CA10: variants seen among roughly 807,000 people sequenced by gnomAD.
CA10 encodes carbonic anhydrase-related protein 10.
CA10 carries 14 observed loss-of-function variants against 44.2 expected under a neutral mutation model. The observed-to-expected ratio is 0.32, with a 90% CI of 0.21 to 0.50. The LOEUF (loss-of-function observed/expected upper bound fraction) is 0.50. Among genes scored for constraint, CA10 ranks in the 20% least tolerant of loss-of-function variants. CA10 has a pLI of 0.99. For missense variants in CA10, 350 were observed against 409.7 expected, an observed-to-expected ratio of 0.85 and a Z score of 1.26; for synonymous variants, 159 against 141.6, an observed-to-expected ratio of 1.12 and a Z score of -0.87.
intron 2 of CA10, among the ~76,000 whole-genome samples, chr17:52,016,776 G>T (rs1193062429): frequency 3.9e-5 from 6 of 152,072 alleles, no homozygotes; most frequent in Non-Finnish European, 4.4e-5. Flanking sequence ...ATCCAAGTGT[G>T]GTGGCACATG....
intron 3 of CA10, among the ~76,000 whole-genome samples, chr17:51,911,113 C>T (rs1224949370): frequency 1.3e-5 from 2 of 152,120 alleles, no homozygotes; most frequent in African/African-American, 4.8e-5. Context: ...GTTCCACTTG[C>T]CCCTCCAGGC....
chr17:52,079,179 G>C (rs959330209), intron 1 of CA10, among the ~76,000 whole-genome samples: 1 of 152,150 alleles, frequency 6.6e-6, no homozygotes, highest in African/African-American at 2.4e-5. Flanking sequence ...CCAGCTACTC[G>C]GGAGGCCAAG....
At chr17:52,003,943 A>AC (rs1037070324) in intron 2 of CA10, among the ~76,000 whole-genome samples, 4 of 151,704 alleles carry the variant, frequency 2.6e-5, no homozygotes, top group Non-Finnish European at 5.9e-5. Flanking sequence ...CTAAAACAAA[A>AC]AAAAAAAAAC....
intron 3 of CA10, among the ~76,000 whole-genome samples, chr17:51,800,998 G>A (rs917686517): frequency 2.6e-5 from 4 of 152,096 alleles, no homozygotes; most frequent in African/African-American, 9.7e-5. Flanking sequence ...TGCCTGGTCT[G>A]CCTGAGAATC....
chr17:51,821,781 C>T (rs1377718378), intron 3 of CA10, among the ~76,000 whole-genome samples: 1 of 152,114 alleles, frequency 6.6e-6, no homozygotes, highest in Non-Finnish European at 1.5e-5. Flanking sequence ...TAATACCAAG[C>T]TACTTTAATA....
intron 3 of CA10, among the ~76,000 whole-genome samples, chr17:51,781,441 G>T (rs1484722071): frequency 6.6e-6 from 1 of 152,170 alleles, no homozygotes; most frequent in Non-Finnish European, 1.5e-5. Context: ...TTTCCAGCAG[G>T]TTAAATAAGG....
At chr17:51,866,680 G>A (rs573489555) in intron 3 of CA10, among the ~76,000 whole-genome samples, 3 of 152,160 alleles carry the variant, frequency 2.0e-5, no homozygotes, top group Non-Finnish European at 4.4e-5. Context: ...GGAGGTGACA[G>A]GGCTTCCTTA....
intron 3 of CA10, among the ~76,000 whole-genome samples, chr17:51,833,294 A>G (rs7215110): frequency 0.099 from 15,004 of 152,126 alleles, 2,209 homozygotes; most frequent in African/African-American, 0.32. Flanking sequence ...GGATAAACCA[A>G]TGCATCCTGT....
intron 2 of CA10, among the ~76,000 whole-genome samples, chr17:51,984,202 C>A (rs1265270225): frequency 2.0e-5 from 3 of 151,462 alleles, no homozygotes; most frequent in Non-Finnish European, 3.0e-5. Flanking sequence ...AGATACAAAA[C>A]AAACACAAAT....
chr17:51,996,931 C>T (rs1037529120), intron 2 of CA10, among the ~76,000 whole-genome samples: 4 of 151,996 alleles, frequency 2.6e-5, no homozygotes, highest in African/African-American at 7.2e-5. Flanking sequence ...AACAATTTCC[C>T]CCAGATCTAA....
In CA10 at chr17:51,930,987, TA is replaced by T; in HGVS notation, c.279+2del. 6.2e-7 allele frequency: 1 copy of T among 1,613,014 alleles called. No individual in the cohort carries two copies. Among genetic ancestry groups the T allele is most frequent in the Non-Finnish European group, 8.5e-7 (1 of 1,179,436 alleles). On this transcript the variant is annotated splice_donor_variant, in intron 3 of 8. Coordinates refer to ENST00000451037, the MANE Select transcript of CA10 (RefSeq NM_020178.5). LOFTEE classifies it high-confidence loss of function. ...TTACCATGGAAGCAATATGGTGGCT[TA>T]CCTTCCTGCCCCCCGTGTTGATGCG...
At chr17:51,737,154 C>A (rs1288518214) in intron 4 of CA10, among the ~76,000 whole-genome samples, 1 of 152,142 alleles carries the variant, frequency 6.6e-6, no homozygotes, top group Non-Finnish European at 1.5e-5. Context: ...GAGTCAGAGA[C>A]CTGGGTTCTC....
chr17:51,704,331 C>T (rs1915694490), intron 4 of CA10, among the ~76,000 whole-genome samples: 1 of 152,196 alleles, frequency 6.6e-6, no homozygotes, highest in African/African-American at 2.4e-5. Flanking sequence ...CATGTAAAAG[C>T]ACACAATTGA....
At chr17:51,884,852 CTTTG>C (rs1201989821) in intron 3 of CA10, among the ~76,000 whole-genome samples, 8 of 152,166 alleles carry the variant, frequency 5.3e-5, no homozygotes. Flanking sequence ...CTAGGAGTTC[CTTTG>C]TTTGTAGACA....
At position 51,896,592 on chromosome 17, in the gene CA10, T is replaced by G. The variant is rs970266546; in HGVS notation, c.279+34398A>C. On this transcript the variant is annotated intron_variant, in intron 3 of 8. Transcript: ENST00000451037. ...GCAGCACAATTTATATATCTTTGGT[T>G]ATATACCCAACAATGGGATTGCTGG... 1.2e-4 allele frequency among the ~76,000 whole-genome samples: 19 copies of G among 152,278 alleles called. 1 individual carries two copies. The highest frequency in any genetic ancestry group is 9.8e-4 in the Admixed American group (15 of 15,276).
intron 3 of CA10, among the ~76,000 whole-genome samples, chr17:51,834,979 T>C (rs1258306082): frequency 2.0e-5 from 3 of 152,158 alleles, no homozygotes; most frequent in African/African-American, 7.2e-5. Context: ...AGATATAGTG[T>C]GAGGTTGTGC....
intron 1 of CA10, among the ~76,000 whole-genome samples, chr17:52,110,826 C>T (rs1988774425): frequency 6.6e-6 from 1 of 152,110 alleles, no homozygotes; most frequent in Admixed American, 6.6e-5. Flanking sequence ...TCCTCCATGG[C>T]CAAGCAGCTC....
intron 6 of CA10, among the ~76,000 whole-genome samples, chr17:51,644,675 T>G (rs144656746): frequency 6.6e-6 from 1 of 152,220 alleles, no homozygotes; most frequent in African/African-American, 2.4e-5. Context: ...TCTCCCCATC[T>G]CAGTGGATGA....
intron 4 of CA10, among the ~76,000 whole-genome samples, chr17:51,741,789 T>C (rs1205355772): frequency 6.6e-6 from 1 of 152,160 alleles, no homozygotes; most frequent in African/African-American, 2.4e-5. Flanking sequence ...GTCCAGACAA[T>C]GTATGAGGTG....
Sources: gnomAD v4.1 joint callset for allele counts (sites outside exome capture counted in the v4.1 genomes callset) on GRCh38, gnomAD v4.1.1 for gene constraint, MANE v1.5 for transcripts, NCBI Gene and HGNC (gene_info 2026-07-23, HGNC 2026-07-21) for gene names.